The following SMARCAL1 variants were observed in gnomAD, a reference collection of about 807,000 sequenced individuals.
The protein encoded by SMARCAL1 is ATP-driven annealing helicase.
SMARCAL1 carries 58 observed loss-of-function variants against 94.5 expected under a neutral mutation model. That is an observed-to-expected ratio of 0.61 (90% CI 0.50 to 0.76). SMARCAL1 has a LOEUF of 0.76. SMARCAL1 is among the 30% of genes least tolerant of loss of function. The pLI is 0.00. For synonymous variants in SMARCAL1, 422 were observed against 455.1 expected, an observed-to-expected ratio of 0.93 and a Z score of 0.93; for missense variants, 1,051 against 1,177.9, an observed-to-expected ratio of 0.89 and a Z score of 1.58.
At chr2:216,423,119 A>G (rs1365266414) in intron 5 of SMARCAL1, among the ~76,000 whole-genome samples, 1 of 152,196 alleles carries the variant, frequency 6.6e-6, no homozygotes, top group East Asian at 1.9e-4. Context: ...GCCCAAGGTG[A>G]CATAGCTAGC....
chr2:216,419,347 CTCT>C (rs1468259201), intron 4 of SMARCAL1, among the ~76,000 whole-genome samples: 1 of 152,144 alleles, frequency 6.6e-6, no homozygotes, highest in African/African-American at 2.4e-5. Context: ...CTACACTACC[CTCT>C]TCTTTTGTGG....
chr2:216,419,875 C>G (rs374459908), intron 4 of SMARCAL1, among the ~76,000 whole-genome samples: 1 of 151,394 alleles, frequency 6.6e-6, no homozygotes, highest in African/African-American at 2.4e-5. Context: ...ACAAAAAATA[C>G]GAAAACTAAC....
At chr2:216,479,352 T>C (rs935165767) in intron 17 of SMARCAL1, 5 of 152,004 alleles carry the variant, frequency 3.3e-5, no homozygotes, top group African/African-American at 4.8e-5. Context: ...TGAGGATCAC[T>C]TGAGCCTAGG....
intron 14 of SMARCAL1, among the ~76,000 whole-genome samples, chr2:216,472,069 T>G (rs1694978518): frequency 6.6e-6 from 1 of 152,214 alleles, no homozygotes; most frequent in African/African-American, 2.4e-5. Context: ...AAAATTGTCA[T>G]GTTGTCCAGG....
intron 4 of SMARCAL1, 64 bp downstream of exon 4, chr2:216,416,371 C>G (rs1314018043): frequency 1.5e-6 from 2 of 1,374,134 alleles, no homozygotes; most frequent in African/African-American, 1.4e-5. Context: ...TAGAGTATCA[C>G]ATGTAGTCCA....
In SMARCAL1 at chr2:216,468,052, C is replaced by T; in HGVS notation, c.2244+6C>T. On this transcript the variant is annotated splice_donor_region_variant and intron_variant, in intron 14 of 17. Coordinates refer to ENST00000357276, the MANE Select transcript of SMARCAL1 (RefSeq NM_014140.4). Reference sequence around the variant, plus strand: ...CGCAAGAGCTTGAGAGAAAGGTGAGCTCCCTTTGAAATTCACCATGGGCTA... The same window carrying T: ...CGCAAGAGCTTGAGAGAAAGGTGAGTTCCCTTTGAAATTCACCATGGGCTA... The T allele has an allele frequency of 6.3e-7, 1 of 1,599,468 alleles. No homozygotes were observed. The highest frequency in any genetic ancestry group is 8.6e-7 in the Non-Finnish European group (1 of 1,166,676).
intron 14 of SMARCAL1, among the ~76,000 whole-genome samples, chr2:216,469,507 ATCTCCTGACCTCAT>A (rs1694914643): frequency 6.6e-6 from 1 of 151,742 alleles, no homozygotes; most frequent in South Asian, 2.1e-4. Context: ...GATGGTCTCG[ATCTCCTGACCTCAT>A]GATCCGCCCG....
chr2:216,471,942 C>T (rs1339825700), intron 14 of SMARCAL1, among the ~76,000 whole-genome samples: 2 of 152,076 alleles, frequency 1.3e-5, no homozygotes, highest in African/African-American at 4.8e-5. Context: ...TCATTGAACC[C>T]TATAAGAACC....
At chr2:216,464,567 A>G (rs775201530) in intron 12 of SMARCAL1, 30 bp from the exon 13 acceptor site, 2 of 1,543,380 alleles carry the variant, frequency 1.3e-6, no homozygotes, top group Admixed American at 1.7e-5. Context: ...AGACTGGGGC[A>G]CTTAACATTC....
chr2:216,452,232 G>A (rs966706261), intron 12 of SMARCAL1, among the ~76,000 whole-genome samples: 1 of 152,078 alleles, frequency 6.6e-6, no homozygotes, highest in South Asian at 2.1e-4. Flanking sequence ...GGAATCATGA[G>A]TAAAACCAGG....
intron 6 of SMARCAL1, among the ~76,000 whole-genome samples, chr2:216,428,009 C>T (rs1693874687): frequency 6.6e-6 from 1 of 152,208 alleles, no homozygotes; most frequent in Admixed American, 6.5e-5. Context: ...GTTACTCTGA[C>T]TCCCAGAGTG....
chr2:216,434,123 G>T (rs910615316), intron 8 of SMARCAL1, among the ~76,000 whole-genome samples: 1 of 151,950 alleles, frequency 6.6e-6, no homozygotes, highest in African/African-American at 2.4e-5. Context: ...TTCTGCCAGT[G>T]CCTGTAGAAA....
intron 4 of SMARCAL1, 119 bp downstream of exon 4, chr2:216,416,426 CA>C (rs138804555): frequency 1.2e-6 from 1 of 816,716 alleles, no homozygotes; most frequent in South Asian, 1.4e-5. Context: ...GCTTTCAGGG[CA>C]CCCCCCCCAA....
chr2:216,451,014 A>G lies in SMARCAL1; in HGVS notation c.2020A>G (p.Arg674Gly). The G allele has an allele frequency of 1.2e-6, 2 of 1,614,242 alleles. No homozygotes were observed. Among genetic ancestry groups the G allele is most frequent in the South Asian group, 1.1e-5 (1 of 91,086 alleles). The part of the protein sequence containing the change: ...IAPGRINART[R>G]AALDAAAKEM... ...CCCAGGACGGATCAATGCCAGGACC[A>G]GAGCTGCCCTGGATGCTGCAGCCAA... The change falls in exon 12 of 18, where the codon AGA (arginine) becomes GGA (glycine). Residue 674 changes from arginine (R) to glycine (G), a missense_variant. Physicochemically the swap from Arg to Gly is moderately radical, Grantham distance 125. Around this residue, in one of 3 missense-constraint regions of SMARCAL1, gnomAD observed 642 missense variants for 754.7 expected, o/e 0.85. Transcript: ENST00000357276.
In SMARCAL1 at chr2:216,450,953, G is replaced by C; in HGVS notation, c.1959G>C (p.Gln653His). Residue 653 changes from glutamine (Q) to histidine (H), a missense_variant, in exon 12 of 18, where the codon CAG becomes CAC. Gln to His is a conservative substitution (Grantham distance 24). Around this residue, in one of 3 missense-constraint regions of SMARCAL1, gnomAD observed 642 missense variants for 754.7 expected, o/e 0.85. Transcript: ENST00000357276. ...GCCTCAAGTCCGACGTCCTTTCCCA[G>C]CTGCCTGCCAAGCAGCGCAAGATAG... Reference protein sequence around the residue: ...LRRLKSDVLSQLPAKQRKIVV... With the variant: ...LRRLKSDVLSHLPAKQRKIVV... 6.2e-7 allele frequency: 1 copy of C among 1,614,222 alleles called. No homozygotes were observed. The highest frequency in any genetic ancestry group is 8.5e-7 in the Non-Finnish European group (1 of 1,180,032).
At chr2:216,441,317 A>AT (rs1173670158) in intron 10 of SMARCAL1, among the ~76,000 whole-genome samples, 4 of 152,178 alleles carry the variant, frequency 2.6e-5, no homozygotes, top group African/African-American at 7.2e-5. Context: ...GAAACGTGAC[A>AT]TTTTTCTTCC....
intron 4 of SMARCAL1, among the ~76,000 whole-genome samples, chr2:216,418,909 A>G (rs1375384998): frequency 6.6e-6 from 1 of 152,218 alleles, no homozygotes; most frequent in Non-Finnish European, 1.5e-5. Flanking sequence ...TTGTTGAACT[A>G]CTTTTGTCTT....
At chr2:216,422,257 G>A (rs1693739484) in intron 5 of SMARCAL1, among the ~76,000 whole-genome samples, 1 of 152,192 alleles carries the variant, frequency 6.6e-6, no homozygotes. Flanking sequence ...GTGCCATCCT[G>A]TAATCCCAAC....
At chr2:216,474,469 A>G (rs80285886) in intron 14 of SMARCAL1, among the ~76,000 whole-genome samples, 2,677 of 149,012 alleles carry the variant, frequency 0.018, 49 homozygotes, top group Non-Finnish European at 0.025. Flanking sequence ...AAAAAAAAAA[A>G]ATTGGCCAGG....
Sources: allele counts gnomAD v4.1 joint callset (sites outside exome capture counted in the v4.1 genomes callset), GRCh38; gene constraint gnomAD v4.1.1; regional missense constraint gnomAD v4.1.1; transcripts MANE v1.5; gene names NCBI Gene and HGNC (gene_info 2026-07-23, HGNC 2026-07-21).